RNPC3: variants seen among roughly 807,000 people sequenced by gnomAD.
RNPC3 encodes the protein RNA binding region (RNP1, RRM) containing 3, also known as RNA-binding region-containing protein 3.
Under a neutral mutation model 67.5 loss-of-function variants are expected in RNPC3, and 48 were observed. The observed-to-expected ratio is 0.71, with a 90% CI of 0.56 to 0.90. RNPC3 has a LOEUF of 0.90. Among genes scored for constraint, RNPC3 ranks in the 40% least tolerant of loss-of-function variants. The probability of loss-of-function intolerance (pLI) is 0.00; values close to 1 mark genes in which losing one functional copy is unlikely to be tolerated. For missense variants in RNPC3, 637 were observed against 626.1 expected, an observed-to-expected ratio of 1.02 and a Z score of -0.19; for synonymous variants, 239 against 210.3, an observed-to-expected ratio of 1.14 and a Z score of -1.18.
At position 103,545,072 on chromosome 1, in the gene RNPC3, G is replaced by A; in HGVS notation, c.1177G>A (p.Glu393Lys). ...GCCTTCAGAATGTATTTCTAGAAGG[G>A]AATTGGAAAAGGGCAGAATTTCTAG... ...EMPSECISRR[E>K]LEKGRISREE... is the part of the protein sequence containing the mutation. The change falls in exon 10 of 15, where the codon GAA becomes AAA. Residue 393 changes from glutamate (E) to lysine (K), a missense_variant. This residue lies in a region of RNPC3 where 536 missense variants were observed against 500.3 expected (regional missense o/e 1.07). Coordinates refer to ENST00000423855, the MANE Select transcript of RNPC3 (RefSeq NM_017619.4). 1 of 1,533,190 alleles carries A rather than the reference G, an allele frequency of 6.5e-7. No homozygotes were observed. The highest frequency in any genetic ancestry group is 8.7e-7 in the Non-Finnish European group (1 of 1,144,826). The allele number at this position is 1,533,190 out of a possible 1,614,324, so 95.0% of individuals were successfully genotyped here. A position where few individuals can be genotyped will look rare whatever the true frequency, so the allele number is the denominator to read the frequency against.
chr1:103,543,207 C>G, intron 8 of RNPC3, 89 bp from the exon 9 acceptor site: 1 of 1,009,198 alleles, frequency 9.9e-7, no homozygotes, highest in Non-Finnish European at 1.3e-6. Flanking sequence ...TCAGTGTTAA[C>G]TTTTAAAATT....
intron 9 of RNPC3, among the ~76,000 whole-genome samples, chr1:103,544,050 T>C (rs1050061960): frequency 1.3e-5 from 2 of 151,740 alleles, no homozygotes; most frequent in Non-Finnish European, 3.0e-5. Context: ...TTGATAGAAA[T>C]GTAACCAAAA....
chr1:103,542,134 A>G (rs1195462490), intron 8 of RNPC3, among the ~76,000 whole-genome samples: 1 of 152,054 alleles, frequency 6.6e-6, no homozygotes, highest in African/African-American at 2.4e-5. Context: ...AAATGCACAG[A>G]TGATTATTGC....
chr1:103,540,944 C>T (rs1169131961), intron 7 of RNPC3, among the ~76,000 whole-genome samples: 1 of 151,982 alleles, frequency 6.6e-6, no homozygotes, highest in Non-Finnish European at 1.5e-5. Flanking sequence ...TATTTCAGTC[C>T]AGGCTCCGTT....
chr1:103,547,141 T>A, intron 12 of RNPC3, 106 bp downstream of exon 12: 1 of 678,612 alleles, frequency 1.5e-6, no homozygotes, highest in Non-Finnish European at 2.3e-6. Context: ...AAAAATTATA[T>A]GAAAAAGTTC....
chr1:103,550,652 AAAAAAAAAG>A (rs1651366774), intron 12 of RNPC3, among the ~76,000 whole-genome samples: 1 of 151,102 alleles, frequency 6.6e-6, no homozygotes, highest in African/African-American at 2.5e-5. Context: ...AAAAAAAAAA[AAAAAAAAAG>A]AAGTTTGGTT....
chr1:103,540,909 A>G (rs1253125497), intron 7 of RNPC3, among the ~76,000 whole-genome samples: 1 of 152,180 alleles, frequency 6.6e-6, no homozygotes, highest in Non-Finnish European at 1.5e-5. Context: ...TGCAACAGTT[A>G]TTCACAAAAT....
intron 1 of RNPC3, among the ~76,000 whole-genome samples, chr1:103,527,240 A>G (rs1287023223): frequency 6.6e-6 from 1 of 152,190 alleles, no homozygotes; most frequent in Non-Finnish European, 1.5e-5. Context: ...GACTTCTCCC[A>G]TTGAACATTA....
rs536033306 is a variant in RNPC3, at chr1:103,528,346, A to G, written c.240+604A>G. Among the ~76,000 whole-genome samples the G allele has an allele frequency of 7.9e-5, 12 of 152,330 alleles. No homozygotes were observed. The South Asian group carries it at 2.5e-3, about 32-fold the overall frequency. Reference sequence around the variant, plus strand: ...ATCAGGCCTGTTAAAGATATCTGGTATAGTTCATATCATGGATTGGATGTG... The same window carrying G: ...ATCAGGCCTGTTAAAGATATCTGGTGTAGTTCATATCATGGATTGGATGTG... On this transcript the variant is annotated intron_variant, in intron 2 of 14. Transcript: ENST00000423855.
At position 103,543,404 on chromosome 1, in the gene RNPC3, G is replaced by T; in HGVS notation, c.1002G>T (p.Lys334Asn). ...HISTDMPAAF[K>N]KDLEKEQNCE... is the part of the protein sequence containing the mutation. ...CTACCGACATGCCAGCTGCATTTAAGAAAGATTTAGAAAAGGAACAAAATT... is the reference window on the plus strand; with the variant it reads ...CTACCGACATGCCAGCTGCATTTAATAAAGATTTAGAAAAGGAACAAAATT... Residue 334 changes from lysine to asparagine, a missense_variant, in exon 9 of 15, where the codon AAG (lysine) becomes AAT (asparagine). Physicochemically the swap from Lys to Asn is moderately conservative, Grantham distance 94. Coordinates refer to ENST00000423855, the MANE Select transcript of RNPC3 (RefSeq NM_017619.4). 6.6e-7 allele frequency: 1 copy of T among 1,515,916 alleles called. No homozygotes were observed. Among genetic ancestry groups the T allele is most frequent in the Admixed American group, 2.1e-5 (1 of 46,928 alleles). 93.9% of individuals were successfully genotyped at this position (1,515,916 alleles called of 1,614,324 possible).
rs1229306477 is a variant in RNPC3, at chr1:103,545,025, T to C, written c.1130T>C (p.Ile377Thr). 35 of 1,534,716 alleles carry C rather than the reference T, an allele frequency of 2.3e-5. No homozygotes were observed. The highest frequency in any genetic ancestry group is 3.1e-5 in the Non-Finnish European group (35 of 1,145,338). The stretch of plus-strand genomic sequence containing the variant: ...CCTAATTTGGACATCACAGAGGAGA[T>C]TAAAGAAGACTCTGATGAAATGCCT... ...PKPNLDITEE[I>T]KEDSDEMPSE... Residue 377 changes from isoleucine (I) to threonine (T), a missense_variant, in exon 10 of 15, where the codon ATT becomes ACT. By Grantham distance (89) the Ile-to-Thr change is moderately conservative. Coordinates refer to ENST00000423855, the MANE Select transcript of RNPC3 (RefSeq NM_017619.4).
chr1:103,534,174 A>C (rs533832065), intron 3 of RNPC3, among the ~76,000 whole-genome samples: 1 of 152,034 alleles, frequency 6.6e-6, no homozygotes, highest in African/African-American at 2.4e-5. Context: ...TAACAGTGTC[A>C]TGAAATCAAG....
At position 103,550,000 on chromosome 1, in the gene RNPC3, C is replaced by T. The variant is rs201295055; in HGVS notation, c.1362-941C>T. 2.3e-4 allele frequency among the ~76,000 whole-genome samples: 35 copies of T among 151,844 alleles called. No homozygotes were observed. The East Asian group carries it at 6.1e-3, about 26-fold the overall frequency. ...CCTATATAGTGAAACCCCATCTCTA[C>T]TAAAAATACAAAAATTAGCCAAGCA... On this transcript the variant is annotated intron_variant, in intron 12 of 14. Transcript: ENST00000423855.
chr1:103,538,871 A>AAT lies in RNPC3; in HGVS notation c.767+1389_767+1390dup, dbSNP rs571368238. Among the ~76,000 whole-genome samples the AAT allele has an allele frequency of 3.0e-3, 464 of 152,342 alleles. 1 individual carries two copies. The highest frequency in any genetic ancestry group is 4.7e-3 in the Non-Finnish European group (317 of 68,024). On this transcript the variant is annotated intron_variant, in intron 7 of 14. Coordinates refer to ENST00000423855, the MANE Select transcript of RNPC3 (RefSeq NM_017619.4). ...ATTTTATTTAAGGATTCTGACATAGAATAGTACATTGTTAATAATGGTCAT... is the reference window on the plus strand; with the variant it reads ...ATTTTATTTAAGGATTCTGACATAGAATATAGTACATTGTTAATAATGGTCAT...
intron 12 of RNPC3, among the ~76,000 whole-genome samples, chr1:103,548,621 C>T (rs928808279): frequency 5.3e-5 from 8 of 152,260 alleles, no homozygotes; most frequent in Admixed American, 1.3e-4. Context: ...ACAAGTCTAG[C>T]GAGTTCCAAA....
intron 7 of RNPC3, among the ~76,000 whole-genome samples, chr1:103,540,965 A>G (rs1651110818): frequency 6.6e-6 from 1 of 152,154 alleles, no homozygotes; most frequent in Non-Finnish European, 1.5e-5. Context: ...TAATAATTAG[A>G]ATATGAATAA....
Position 103,536,214 on chromosome 1 carries a change from T to A in RNPC3, c.624+20T>A. Reference sequence around the variant, plus strand: ...CCCATGGTAAGAAAACTCTTAGAATTTTCAAGTCAAAATTTCTCTTCCTGA... The same window carrying A: ...CCCATGGTAAGAAAACTCTTAGAATATTCAAGTCAAAATTTCTCTTCCTGA... On this transcript the variant is annotated intron_variant, in intron 6 of 14. Transcript: ENST00000423855. 1.3e-6 allele frequency: 2 copies of A among 1,520,520 alleles called. No homozygotes were observed. Among genetic ancestry groups the A allele is most frequent in the South Asian group, 1.2e-5 (1 of 83,710 alleles). 94.2% of individuals were successfully genotyped at this position (1,520,520 alleles called of 1,614,324 possible). A position where few individuals can be genotyped will look rare whatever the true frequency, so the allele number is the denominator to read the frequency against.
chr1:103,536,256 T>A, intron 6 of RNPC3, 62 bp downstream of exon 6: 1 of 1,178,284 alleles, frequency 8.5e-7, no homozygotes, highest in Non-Finnish European at 1.2e-6. Flanking sequence ...TTATTGAGGC[T>A]GAATTATACA....
intron 5 of RNPC3, among the ~76,000 whole-genome samples, chr1:103,535,656 AT>A (rs1365378348): frequency 6.6e-6 from 1 of 152,046 alleles, no homozygotes; most frequent in Non-Finnish European, 1.5e-5. Flanking sequence ...GGGAAATGTA[AT>A]TTGTGATAAT....
Sources: allele counts gnomAD v4.1 joint callset (sites outside exome capture counted in the v4.1 genomes callset), GRCh38; gene constraint gnomAD v4.1.1; regional missense constraint gnomAD v4.1.1; transcripts MANE v1.5; gene names NCBI Gene and HGNC (gene_info 2026-07-23, HGNC 2026-07-21).